LHX2: variants seen among roughly 807,000 people sequenced by gnomAD.
LHX2 encodes the protein LIM homeobox 2.
Under a neutral mutation model 33.0 loss-of-function variants are expected in LHX2, and 6 were observed. The ratio of observed to expected loss-of-function variants is 0.18; its 90% CI spans 0.10 to 0.36. The LOEUF (loss-of-function observed/expected upper bound fraction) is 0.36, where lower values mean the gene tolerates loss of function less well. Among genes scored for constraint, LHX2 ranks in the 10% least tolerant of loss-of-function variants. The pLI, the probability that LHX2 is intolerant of heterozygous loss-of-function variation, is 1.00. For synonymous variants in LHX2, 292 were observed against 253.1 expected (o/e 1.15, Z -1.46); for missense variants, 442 against 586.2 (o/e 0.75, Z 2.54).
At chr9:124,019,143 C>G (rs987859771) in intron 3 of LHX2, among the ~76,000 whole-genome samples, 3 of 152,202 alleles carry the variant, frequency 2.0e-5, no homozygotes, top group African/African-American at 7.2e-5. Flanking sequence ...TTTAAATTGC[C>G]GGACCCGCGC....
At chr9:124,026,217 GGGAGGC>G (rs1426906489) in intron 4 of LHX2, among the ~76,000 whole-genome samples, 1 of 152,310 alleles carries the variant, frequency 6.6e-6, no homozygotes, top group East Asian at 1.9e-4. Flanking sequence ...CCAGCACTTT[GGGAGGC>G]GGAGGCGGGT....
At chr9:124,027,341 G>T (rs562200171) in intron 4 of LHX2, among the ~76,000 whole-genome samples, 1 of 152,196 alleles carries the variant, frequency 6.6e-6, no homozygotes, top group Non-Finnish European at 1.5e-5. Context: ...TGATTTAGAG[G>T]TTAAGTAGTG....
intron 3 of LHX2, among the ~76,000 whole-genome samples, chr9:124,018,347 T>C (rs1368593258): frequency 6.7e-6 from 1 of 148,934 alleles, no homozygotes; most frequent in Non-Finnish European, 1.5e-5. Flanking sequence ...CCGGATCCGA[T>C]CCTGGGGAAT....
rs1247793396 is a variant in LHX2 at position 124,032,683 on chromosome 9, A to G, written c.1197A>G (p.Gln399=). Residue 399 remains glutamine, a synonymous_variant, in exon 5 of 5, where the codon CAA becomes CAG. Transcript: ENST00000373615. The surrounding 1 kb of genome is among the most constrained non-coding windows in gnomAD (Gnocchi z 4.1). ...GCCATGAGCCTCACAGCCCCTCACAAACGACTCTTACCAACCTTTTCTAAT... is the reference window on the plus strand; with the variant it reads ...GCCATGAGCCTCACAGCCCCTCACAGACGACTCTTACCAACCTTTTCTAAT... ...LEGHEPHSPS[Q]TTLTNLF The G allele has an allele frequency of 1.3e-6, 2 of 1,580,768 alleles. No homozygotes were observed. Among genetic ancestry groups the G allele is most frequent in the East Asian group, 2.4e-5 (1 of 42,070 alleles).
intron 4 of LHX2, among the ~76,000 whole-genome samples, chr9:124,029,558 T>C (rs1421797366): frequency 2.0e-5 from 3 of 152,176 alleles, no homozygotes; most frequent in Non-Finnish European, 4.4e-5. Flanking sequence ...TTGTGGACGA[T>C]GGTGTCATTG....
rs564737624 is a variant in LHX2 at position 124,015,078 on chromosome 9, C to T, written c.324-44C>T. 2.4e-5 allele frequency: 39 copies of T among 1,599,640 alleles called. No individual in the cohort carries two copies. In the South Asian group the frequency reaches 4.1e-4, roughly 17 times the overall value. ...ACCTGGAGGAGGAAAAGGGGGGTACCCAACCGTGTGTTCCCACAGCCCCTC... is the reference window on the plus strand; with the variant it reads ...ACCTGGAGGAGGAAAAGGGGGGTACTCAACCGTGTGTTCCCACAGCCCCTC... On this transcript the variant is annotated intron_variant, in intron 2 of 4. Coordinates refer to ENST00000373615, the MANE Select transcript of LHX2 (RefSeq NM_004789.4). The surrounding 1 kb of genome is among the most constrained non-coding windows in gnomAD (Gnocchi z 7.9).
chr9:124,025,595 T>A (rs969476504), intron 4 of LHX2, among the ~76,000 whole-genome samples: 14 of 151,556 alleles, frequency 9.2e-5, no homozygotes, highest in African/African-American at 3.2e-4. Context: ...GGGAAGTGAG[T>A]GATGAGCTGA....
In LHX2 at chr9:124,032,313, A is replaced by G; in HGVS notation, c.934-107A>G. On this transcript the variant is annotated intron_variant, in intron 4 of 4. Coordinates refer to ENST00000373615, the MANE Select transcript of LHX2 (RefSeq NM_004789.4). This position sits in a 1 kb window ranked among gnomAD's most constrained non-coding sequence, Gnocchi z 4.1. ...ACCTGACTTTTTGGATCCTCTTGGCAAAACACAGATCAGCGTCCCCAGAGG... is the reference window on the plus strand; with the variant it reads ...ACCTGACTTTTTGGATCCTCTTGGCGAAACACAGATCAGCGTCCCCAGAGG... 1 of 1,355,212 alleles carries G rather than the reference A, an allele frequency of 7.4e-7. No individual in the cohort carries two copies. The highest frequency in any genetic ancestry group is 9.8e-7 in the Non-Finnish European group (1 of 1,016,166). The allele number at this position is 1,355,212 out of a possible 1,614,324, so 83.9% of individuals were successfully genotyped here.
In LHX2 at chr9:124,032,234, CCT is replaced by C; in HGVS notation, c.934-185_934-184del. On this transcript the variant is annotated intron_variant, in intron 4 of 4. Coordinates refer to ENST00000373615, the MANE Select transcript of LHX2 (RefSeq NM_004789.4). This position sits in a 1 kb window ranked among gnomAD's most constrained non-coding sequence, Gnocchi z 4.1. ...TTCAGCCTGGGGGACCAAGCCAGAC[CCT>C]GTCTGCAAACAAAAACAAAAACAAA... 1 of 630,760 alleles carries C rather than the reference CCT, an allele frequency of 1.6e-6. No homozygotes were observed. The highest frequency in any genetic ancestry group is 2.6e-6 in the Non-Finnish European group (1 of 380,266). The allele number at this position is 630,760 out of a possible 1,614,324, so 39.1% of individuals were successfully genotyped here. A position where few individuals can be genotyped will look rare whatever the true frequency, so the allele number is the denominator to read the frequency against.
At position 124,015,302 on chromosome 9, in the gene LHX2, C is replaced by T; in HGVS notation, c.504C>T (p.His168=). Residue 168 remains histidine (H), a synonymous_variant, in exon 3 of 5, where the codon CAC becomes CAT. Coordinates refer to ENST00000373615, the MANE Select transcript of LHX2 (RefSeq NM_004789.4). This position sits in a 1 kb window ranked among gnomAD's most constrained non-coding sequence, Gnocchi z 7.9. Reference sequence around the variant, plus strand: ...ACAGCCTGGTCTACTGCCGCTTGCACTTCGAGGCGCTGCTGCAGGGCGAGT... The same window carrying T: ...ACAGCCTGGTCTACTGCCGCTTGCATTTCGAGGCGCTGCTGCAGGGCGAGT... ...MKDSLVYCRL[H]FEALLQGEYP... The T allele has an allele frequency of 1.9e-6, 3 of 1,614,060 alleles. No individual in the cohort carries two copies. The highest frequency in any genetic ancestry group is 1.7e-6 in the Non-Finnish European group (2 of 1,180,038).
Position 124,015,464 on chromosome 9 carries a change from G to A in LHX2, c.666G>A (p.Lys222=). The change falls in exon 3 of 5, where the codon AAG becomes AAA. Residue 222 remains lysine (K), a synonymous_variant. Coordinates refer to ENST00000373615, the MANE Select transcript of LHX2 (RefSeq NM_004789.4). This position sits in a 1 kb window ranked among gnomAD's most constrained non-coding sequence, Gnocchi z 7.9. ...PYYNGVGTVQ[K]GRPRKRKSPG... ...ACAATGGCGTGGGCACTGTGCAGAA[G>A]GGGCGGCCGAGGAAACGTAAGAGCC... 1 of 1,517,624 alleles carries A rather than the reference G, an allele frequency of 6.6e-7. No individual in the cohort carries two copies. Among genetic ancestry groups the A allele is most frequent in the Non-Finnish European group, 8.8e-7 (1 of 1,134,654 alleles). 94.0% of individuals were successfully genotyped at this position (1,517,624 alleles called of 1,614,324 possible). A position where few individuals can be genotyped will look rare whatever the true frequency, so the allele number is the denominator to read the frequency against.
intron 4 of LHX2, among the ~76,000 whole-genome samples, chr9:124,030,530 C>T (rs548645306): frequency 7.9e-5 from 12 of 152,076 alleles, no homozygotes; most frequent in Admixed American, 5.2e-4. Context: ...CAAAGTACTT[C>T]GTGGACCTCT....
In LHX2 at chr9:124,014,987, C is replaced by G. The variant is rs1588345305; in HGVS notation, c.324-135C>G. On this transcript the variant is annotated intron_variant, in intron 2 of 4. Coordinates refer to ENST00000373615, the MANE Select transcript of LHX2 (RefSeq NM_004789.4). The surrounding 1 kb of genome is among the most constrained non-coding windows in gnomAD (Gnocchi z 4.8). Reference sequence around the variant, plus strand: ...TCAAAATCTAGTTCTCTCTCCCCCCCATCCTCCAAATAAAGGCCGGGTTGT... The same window carrying G: ...TCAAAATCTAGTTCTCTCTCCCCCCGATCCTCCAAATAAAGGCCGGGTTGT... 2.2e-6 allele frequency: 2 copies of G among 924,520 alleles called. No individual in the cohort carries two copies. Among genetic ancestry groups the G allele is most frequent in the Non-Finnish European group, 3.3e-6 (2 of 614,828 alleles). 57.3% of individuals were successfully genotyped at this position (924,520 alleles called of 1,614,324 possible).
At position 124,030,690 on chromosome 9, in the gene LHX2, G is replaced by T. The variant is rs147716255; in HGVS notation, c.934-1730G>T. On this transcript the variant is annotated intron_variant, in intron 4 of 4. Coordinates refer to ENST00000373615, the MANE Select transcript of LHX2 (RefSeq NM_004789.4). ...TCTGTGGCCCAGGCTGGAGTGCAGT[G>T]GTGGGATCTTGGCTCACTGTATCCT... Among the ~76,000 whole-genome samples, 409 of 144,090 alleles carry T rather than the reference G, an allele frequency of 2.8e-3. 3 individuals are homozygous for T. The highest frequency in any genetic ancestry group is 0.01 in the African/African-American group (387 of 37,526). The allele number at this position is 144,090 out of a possible 152,430, so 94.5% of individuals were successfully genotyped here.
chr9:124,023,549 C>T (rs1828554330), intron 4 of LHX2, among the ~76,000 whole-genome samples: 1 of 152,166 alleles, frequency 6.6e-6, no homozygotes, highest in South Asian at 2.1e-4. Flanking sequence ...CCATAGATTT[C>T]TCATCTGTAG....
Position 124,032,830 on chromosome 9 carries a change from G to A in LHX2, c.*123G>A. The A allele has an allele frequency of 1.8e-6, 2 of 1,142,244 alleles. No individual in the cohort carries two copies. Among genetic ancestry groups the A allele is most frequent in the Admixed American group, 2.8e-5 (1 of 36,150 alleles). 70.8% of individuals were successfully genotyped at this position (1,142,244 alleles called of 1,614,324 possible). ...TAACCACATTTTAGGATCTCGCCTG[G>A]AAACAGAGGTAAAAAAAAGAAGTGT... On this transcript the variant is annotated 3_prime_UTR_variant, in exon 5 of 5. Transcript: ENST00000373615. The surrounding 1 kb of genome is among the most constrained non-coding windows in gnomAD (Gnocchi z 4.1).
chr9:124,017,851 C>A (rs1466410880), intron 3 of LHX2, among the ~76,000 whole-genome samples: 3 of 152,004 alleles, frequency 2.0e-5, no homozygotes, highest in African/African-American at 7.2e-5. Flanking sequence ...CGCAGCCCCT[C>A]GGGCCCGGGC....
Position 124,015,538 on chromosome 9 carries a change from C to T in LHX2, c.727+13C>T. The T allele has an allele frequency of 3.4e-6, 5 of 1,452,784 alleles. No homozygotes were observed. Among genetic ancestry groups the T allele is most frequent in the Non-Finnish European group, 4.5e-6 (5 of 1,101,408 alleles). The allele number at this position is 1,452,784 out of a possible 1,614,324, so 90.0% of individuals were successfully genotyped here. Reference sequence around the variant, plus strand: ...GCCTACAACGCTGGTGAGTGCGCGGCGCACGAAGCGCCCCCATAGGGTTGG... The same window carrying T: ...GCCTACAACGCTGGTGAGTGCGCGGTGCACGAAGCGCCCCCATAGGGTTGG... On this transcript the variant is annotated intron_variant, in intron 3 of 4. Transcript: ENST00000373615. This position sits in a 1 kb window ranked among gnomAD's most constrained non-coding sequence, Gnocchi z 7.9.
At chr9:124,021,546 C>T (rs537897900) in intron 4 of LHX2, among the ~76,000 whole-genome samples, 2 of 152,170 alleles carry the variant, frequency 1.3e-5, no homozygotes, top group African/African-American at 4.8e-5. Flanking sequence ...GTTTGCGTAT[C>T]GCTCCATCCT....
Sources: gnomAD v4.1 joint callset for allele counts (sites outside exome capture counted in the v4.1 genomes callset) on GRCh38, gnomAD v4.1.1 for gene constraint, Gnocchi (gnomAD v3.1) non-coding constraint, MANE v1.5 for transcripts, NCBI Gene and HGNC (gene_info 2026-07-23, HGNC 2026-07-21) for gene names.